Variants in MMUT observed in about 807,000 individuals in gnomAD.
MMUT encodes methylmalonyl-CoA mutase, mitochondrial.
In MMUT, 79 loss-of-function variants were observed where a neutral mutation model predicts 79.9. The ratio of observed to expected loss-of-function variants is 0.99; its 90% confidence interval spans 0.82 to 1.19. The LOEUF (loss-of-function observed/expected upper bound fraction) is 1.19. Among genes scored for constraint, MMUT ranks in the 50% most tolerant of loss-of-function variants. The probability of loss-of-function intolerance (pLI) is 0.00; values close to 1 mark genes in which losing one functional copy is unlikely to be tolerated. For missense variants in MMUT, 860 were observed against 917.2 expected (o/e 0.94, Z 0.81); for synonymous variants, 273 against 295.7 (o/e 0.92, Z 0.79).
At chr6:49,454,317 T>A (rs1459574190) in intron 4 of MMUT, among the ~76,000 whole-genome samples, 1 of 152,200 alleles carries the variant, frequency 6.6e-6, no homozygotes, top group Non-Finnish European at 1.5e-5. Flanking sequence ...TTTTGGAAGT[T>A]CTTTTTTTGA....
chr6:49,436,963 G>A (rs1183395965), intron 11 of MMUT, among the ~76,000 whole-genome samples: 1 of 152,072 alleles, frequency 6.6e-6, no homozygotes, highest in East Asian at 1.9e-4. Context: ...GGAGCAGGAG[G>A]AGGGAGGTCA....
intron 5 of MMUT, among the ~76,000 whole-genome samples, chr6:49,452,223 GT>G: frequency 6.6e-6 from 1 of 152,220 alleles, no homozygotes; most frequent in African/African-American, 2.4e-5. Context: ...CTGAACTTCA[GT>G]TTCTTTAGCT....
chr6:49,431,656 C>T lies in MMUT; in HGVS notation c.*72G>A. On this transcript the variant is annotated 3_prime_UTR_variant, in exon 13 of 13. Coordinates refer to ENST00000274813, the MANE Select transcript of MMUT (RefSeq NM_000255.4). The stretch of plus-strand genomic sequence containing the variant: ...TCAGGTATTGAAATTAAATTGAAGA[C>T]ATAGCTTTACTCTCTTCTTTGATCA... 6.7e-7 allele frequency: 1 copy of T among 1,490,992 alleles called. No individual in the cohort carries two copies. Among genetic ancestry groups the T allele is most frequent in the Non-Finnish European group, 9.3e-7 (1 of 1,076,798 alleles). The allele number at this position is 1,490,992 out of a possible 1,614,324, so 92.4% of individuals were successfully genotyped here. A position where few individuals can be genotyped will look rare whatever the true frequency, so the allele number is the denominator to read the frequency against.
At chr6:49,435,378 T>C in intron 12 of MMUT, 78 bp downstream of exon 12, 6 of 1,382,400 alleles carry the variant, frequency 4.3e-6, no homozygotes, top group South Asian at 2.4e-5. Context: ...ATCTACAAGT[T>C]TATCTTTAGA....
At position 49,431,420 on chromosome 6, in the gene MMUT, A is replaced by G. The variant is rs1766968771; in HGVS notation, c.*308T>C. 1.1e-5 allele frequency: 2 copies of G among 189,504 alleles called. No individual in the cohort carries two copies. Among genetic ancestry groups the G allele is most frequent in the Admixed American group, 5.6e-5 (1 of 17,836 alleles). 11.7% of individuals were successfully genotyped at this position (189,504 alleles called of 1,614,324 possible). A position where few individuals can be genotyped will look rare whatever the true frequency, so the allele number is the denominator to read the frequency against. On this transcript the variant is annotated 3_prime_UTR_variant, in exon 13 of 13. Transcript: ENST00000274813. ...CTTAATATAAAAAGTAAACAGATTT[A>G]TAAGAAACATTCTAATAAATACATC...
intron 4 of MMUT, among the ~76,000 whole-genome samples, chr6:49,455,190 T>C (rs976329855): frequency 1.3e-5 from 2 of 152,282 alleles, no homozygotes; most frequent in East Asian, 1.9e-4. Context: ...ATCTCTTCAA[T>C]GTATGGCTTA....
At position 49,456,158 on chromosome 6, in the gene MMUT, G is replaced by A. The variant is rs1561958387; in HGVS notation, c.833C>T (p.Ala278Val). The A allele has an allele frequency of 6.2e-7, 1 of 1,611,516 alleles. No homozygotes were observed. ...CTCCAATCCATCTGCTAAAGTATAG[G>A]CCAGCTCCAGAATGGCATCAGCCCC... is the stretch of plus-strand genomic sequence containing the variant. ...EAGADAILELAYTLADGLEYS... is the reference protein window; with the variant it reads ...EAGADAILELVYTLADGLEYS... Residue 278 changes from alanine (A) to valine (V), a missense_variant, in exon 4 of 13, where the codon GCC becomes GTC. Coordinates refer to ENST00000274813, the MANE Select transcript of MMUT (RefSeq NM_000255.4).
In MMUT at chr6:49,451,575, G is replaced by A; in HGVS notation, c.1223C>T (p.Thr408Ile). ...TVKSARIARN[T>I]QIIIQEESGI... ...AGATTCTTCTTGAATGATGATTTGT[G>A]TGTTCCTGGCAATTCGAGCACTTTT... Residue 408 changes from threonine (T) to isoleucine (I), a missense_variant, in exon 6 of 13, where the codon ACA (threonine) becomes ATA (isoleucine). Transcript: ENST00000274813. 1 of 1,614,132 alleles carries A rather than the reference G, an allele frequency of 6.2e-7. No homozygotes were observed. Among genetic ancestry groups the A allele is most frequent in the Non-Finnish European group, 8.5e-7 (1 of 1,180,016 alleles).
rs755104984 is a variant in MMUT, at chr6:49,456,175, A to G, written c.816T>C (p.Asp272=). The change falls in exon 4 of 13, where the codon GAT becomes GAC. Residue 272 remains aspartate, a synonymous_variant. Transcript: ENST00000274813. The part of the protein sequence containing the change: ...SGYHMQEAGA[D]AILELAYTLA... Reference sequence around the variant, plus strand: ...AAGTATAGGCCAGCTCCAGAATGGCATCAGCCCCTGCTTCCTGCATATGGT... The same window carrying G: ...AAGTATAGGCCAGCTCCAGAATGGCGTCAGCCCCTGCTTCCTGCATATGGT... 3.1e-6 allele frequency: 5 copies of G among 1,612,548 alleles called. No homozygotes were observed. Among genetic ancestry groups the G allele is most frequent in the African/African-American group, 1.3e-5 (1 of 75,014 alleles).
At chr6:49,447,912 A>C in intron 7 of MMUT, 127 bp from the exon 8 acceptor site, 1 of 640,716 alleles carries the variant, frequency 1.6e-6, no homozygotes, top group Non-Finnish European at 2.8e-6. Flanking sequence ...ATGCAACTTC[A>C]ATATAGATCA....
At chr6:49,447,157 T>C (rs531623499) in intron 8 of MMUT, among the ~76,000 whole-genome samples, 6 of 152,100 alleles carry the variant, frequency 3.9e-5, no homozygotes, top group African/African-American at 1.4e-4. Flanking sequence ...TATTGTAAAC[T>C]GTACCTTACT....
chr6:49,451,573 G>A lies in MMUT; in HGVS notation c.1225C>T (p.Gln409Ter). ...CCAGATTCTTCTTGAATGATGATTT[G>A]TGTGTTCCTGGCAATTCGAGCACTT... is the stretch of plus-strand genomic sequence containing the variant. The part of the protein sequence containing the change: ...VKSARIARNT[Q>*]IIIQEESGIP... The change falls in exon 6 of 13, where the codon CAA becomes TAA. Residue 409 changes from glutamine (Q) to a stop codon, truncating the protein, a stop_gained. Coordinates refer to ENST00000274813, the MANE Select transcript of MMUT (RefSeq NM_000255.4). LOFTEE classifies it high-confidence loss of function. 1 of 1,614,074 alleles carries A rather than the reference G, an allele frequency of 6.2e-7. No homozygotes were observed.
rs577356836 is a variant in MMUT, at chr6:49,459,405, T to G, written c.62A>C (p.Glu21Ala). ...CTGTATGAGCCTGGAGCCTGATGAT[T>G]CTTTTACCTGCCTCAGGTAATGAGG... ...LSPHYLRQVK[E>A]SSGSRLIQQR... The change falls in exon 2 of 13, where the codon GAA (glutamate) becomes GCA (alanine). Residue 21 changes from glutamate (E) to alanine (A), a missense_variant. Physicochemically the swap from Glu to Ala is moderately radical, Grantham distance 107. Transcript: ENST00000274813. 1 of 1,613,608 alleles carries G rather than the reference T, an allele frequency of 6.2e-7. No homozygotes were observed. The highest frequency in any genetic ancestry group is 1.1e-5 in the South Asian group (1 of 91,014).
intron 10 of MMUT, among the ~76,000 whole-genome samples, chr6:49,440,739 T>C (rs1292445232): frequency 2.0e-5 from 3 of 152,178 alleles, no homozygotes; most frequent in Non-Finnish European, 2.9e-5. Context: ...TGGCACAGAC[T>C]GTAAGCACAT....
rs1767777883 is a variant in MMUT, at chr6:49,459,312, T to C, written c.155A>G (p.Lys52Arg). The part of the protein sequence containing the change: ...EWAALAKKQL[K>R]GKNPEDLIWH... ...TATTAGGTCTTCTGGGTTTTTGCCT[T>C]TCAGCTGCTTTTTAGCCAGGGCAGC... The change falls in exon 2 of 13, where the codon AAA (lysine) becomes AGA (arginine). Residue 52 changes from lysine (K) to arginine (R), a missense_variant. Transcript: ENST00000274813. 2 of 1,614,156 alleles carry C rather than the reference T, an allele frequency of 1.2e-6. No individual in the cohort carries two copies. The highest frequency in any genetic ancestry group is 1.7e-6 in the Non-Finnish European group (2 of 1,180,026).
chr6:49,449,113 A>T (rs921446457), intron 6 of MMUT, among the ~76,000 whole-genome samples, 186 bp from the exon 7 acceptor site: 1 of 152,140 alleles, frequency 6.6e-6, no homozygotes, highest in Non-Finnish European at 1.5e-5. Flanking sequence ...GTTTATAGTT[A>T]CTTGAAAAGA....
At chr6:49,451,345 CTG>C (rs1316761589) in intron 6 of MMUT, 119 bp downstream of exon 6, 1 of 1,153,200 alleles carries the variant, frequency 8.7e-7, no homozygotes, top group African/African-American at 1.6e-5. Context: ...TTATATAAAT[CTG>C]TAAGTGATTT....
intron 6 of MMUT, 46 bp downstream of exon 6, chr6:49,451,420 A>G: frequency 6.3e-7 from 1 of 1,597,074 alleles, no homozygotes; most frequent in South Asian, 1.1e-5. Flanking sequence ...AAATCTTTAC[A>G]AATCTGTAAA....
chr6:49,442,407 ATATCTC>A (rs1172388890), intron 9 of MMUT, among the ~76,000 whole-genome samples: 1 of 152,112 alleles, frequency 6.6e-6, no homozygotes, highest in Non-Finnish European at 1.5e-5. Context: ...AGATATTACT[ATATCTC>A]TATATCTACT....
Sources: allele counts gnomAD v4.1 joint callset (sites outside exome capture counted in the v4.1 genomes callset), GRCh38; gene constraint gnomAD v4.1.1; transcripts MANE v1.5; gene names NCBI Gene and HGNC (gene_info 2026-07-23, HGNC 2026-07-21).